Variants in SGK3 observed in about 807,000 individuals in gnomAD.
SGK3 encodes serine/threonine-protein kinase Sgk3.
SGK3 carries 47 observed loss-of-function variants against 68.5 expected under a neutral mutation model. The ratio of observed to expected loss-of-function variants is 0.69; its 90% CI spans 0.54 to 0.87. The LOEUF is 0.87. SGK3 is among the 40% of genes least tolerant of loss of function. The pLI, the probability that SGK3 is intolerant of heterozygous loss-of-function variation, is 0.00. For missense variants in SGK3, 479 were observed against 575.5 expected (o/e 0.83, Z 1.72); for synonymous variants, 181 against 189.1 (o/e 0.96, Z 0.35).
At chr8:66,823,467 G>C (rs1037464667) in intron 6 of SGK3, among the ~76,000 whole-genome samples, 2 of 146,384 alleles carry the variant, frequency 1.4e-5, no homozygotes, top group Non-Finnish European at 3.0e-5. Flanking sequence ...GCGTGATCTT[G>C]GCTCACTGCA....
At chr8:66,722,740 G>T (rs1804830945) in intron 1 of SGK3, among the ~76,000 whole-genome samples, 2 of 152,140 alleles carry the variant, frequency 1.3e-5, no homozygotes, top group African/African-American at 2.4e-5. Context: ...AAGAAAAGAG[G>T]TTTAATTGGC....
chr8:66,810,008 G>A (rs2130630516), intron 4 of SGK3, among the ~76,000 whole-genome samples: 1 of 152,262 alleles, frequency 6.6e-6, no homozygotes, highest in African/African-American at 2.4e-5. Flanking sequence ...ACTTAGTCTT[G>A]GAAGCCACAT....
chr8:66,829,543 G>A (rs963223354), intron 7 of SGK3, among the ~76,000 whole-genome samples: 1 of 152,104 alleles, frequency 6.6e-6, no homozygotes, highest in African/African-American at 2.4e-5. Flanking sequence ...TAAAAGAGGA[G>A]GGAGTAATTA....
chr8:66,805,637 T>C (rs940023411), intron 4 of SGK3, among the ~76,000 whole-genome samples: 1 of 152,120 alleles, frequency 6.6e-6, no homozygotes, highest in African/African-American at 2.4e-5. Context: ...CATGGAATTT[T>C]CCCCTAGAAC....
chr8:66,739,065 C>T (rs923073483), intron 1 of SGK3, among the ~76,000 whole-genome samples: 9 of 152,162 alleles, frequency 5.9e-5, no homozygotes, highest in Non-Finnish European at 1.3e-4. Flanking sequence ...TAACAGATTA[C>T]TGTAGTTCAT....
chr8:66,802,233 A>G (rs899359771), intron 3 of SGK3, among the ~76,000 whole-genome samples: 1 of 152,220 alleles, frequency 6.6e-6, no homozygotes, highest in East Asian at 1.9e-4. Context: ...AACTACAGAA[A>G]TCAGGTTGAA....
At chr8:66,811,104 C>T (rs1315412156) in intron 4 of SGK3, among the ~76,000 whole-genome samples, 2 of 152,164 alleles carry the variant, frequency 1.3e-5, no homozygotes, top group Non-Finnish European at 2.9e-5. Flanking sequence ...GCAACCTCTG[C>T]CTCCCAACTC....
chr8:66,846,876 G>A (rs184766409), intron 14 of SGK3, among the ~76,000 whole-genome samples: 2 of 152,264 alleles, frequency 1.3e-5, no homozygotes, highest in African/African-American at 4.8e-5. Flanking sequence ...CAATGATTCT[G>A]TCATTATGCC....
chr8:66,792,607 G>A (rs963021002), intron 1 of SGK3, among the ~76,000 whole-genome samples: 6 of 152,062 alleles, frequency 3.9e-5, no homozygotes, highest in Admixed American at 3.3e-4. Context: ...GTCTGGGTGC[G>A]GTGGCTCATG....
Position 66,837,750 on chromosome 8 carries a change from C to T in SGK3, c.741+1676C>T, listed in dbSNP as rs551929691. ...AATGAGCCATGATCACACAACTGTA[C>T]TCCAGCCTGGGTGACAGAACAAGAC... On this transcript the variant is annotated intron_variant, in intron 10 of 16. Transcript: ENST00000521198. 8.3e-4 allele frequency among the ~76,000 whole-genome samples: 126 copies of T among 152,258 alleles called. 2 individuals carry two copies. The South Asian group carries it at 0.026, about 31-fold the overall frequency.
At position 66,804,448 on chromosome 8, in the gene SGK3, G is replaced by T. The variant is rs761047258; in HGVS notation, c.253+1G>T. ...ATATTTGGTGATAATTTTGATCCAG[G>T]TAAGAAACAACTTCATAGGCCAGCT... On this transcript the variant is annotated splice_donor_variant, in intron 4 of 16. Transcript: ENST00000521198. LOFTEE classifies it high-confidence loss of function. 2 of 1,612,242 alleles carry T rather than the reference G, an allele frequency of 1.2e-6. No homozygotes were observed. Among genetic ancestry groups the T allele is most frequent in the Non-Finnish European group, 1.7e-6 (2 of 1,179,322 alleles).
chr8:66,739,932 T>C (rs1007119907), intron 1 of SGK3, among the ~76,000 whole-genome samples: 3 of 152,214 alleles, frequency 2.0e-5, no homozygotes, highest in Admixed American at 2.0e-4. Flanking sequence ...TGTGGGAAAC[T>C]GCCCCCATGA....
At chr8:66,779,561 AATATATAT>A (rs200618083) in intron 1 of SGK3, among the ~76,000 whole-genome samples, 2,329 of 89,366 alleles carry the variant, frequency 0.026, 40 homozygotes, top group Middle Eastern at 0.062. Flanking sequence ...TATGTGTGTG[AATATATAT>A]ATATATATAT....
In SGK3 at chr8:66,743,764, C is replaced by T. The variant is rs541452868; in HGVS notation, c.-122+30931C>T. Among the ~76,000 whole-genome samples the T allele has an allele frequency of 8.5e-5, 13 of 152,372 alleles. No individual in the cohort carries two copies. In the East Asian group the frequency reaches 1.9e-3, roughly 23 times the overall value. ...CTCGAACTCCGGATCTCACTCACCT[C>T]GGCCTCCCAAAGTGCTGAGATTACA... is the stretch of plus-strand genomic sequence containing the variant. On this transcript the variant is annotated intron_variant, in intron 1 of 16. Coordinates refer to ENST00000521198, the MANE Select transcript of SGK3 (RefSeq NM_001033578.3).
At chr8:66,791,980 TGAG>T (rs577166795) in intron 1 of SGK3, among the ~76,000 whole-genome samples, 124 of 152,314 alleles carry the variant, frequency 8.1e-4, no homozygotes, top group Middle Eastern at 6.8e-3. Context: ...TACTCTTTGT[TGAG>T]GAGAGACCAA....
At chr8:66,760,471 A>T (rs1343617375) in intron 1 of SGK3, among the ~76,000 whole-genome samples, 1 of 150,794 alleles carries the variant, frequency 6.6e-6, no homozygotes, top group Non-Finnish European at 1.5e-5. Context: ...AGTAGCTGGG[A>T]CTACAGGTGC....
intron 16 of SGK3, among the ~76,000 whole-genome samples, chr8:66,855,205 TATTG>T (rs1217049159): frequency 2.0e-5 from 3 of 152,302 alleles, no homozygotes; most frequent in South Asian, 2.1e-4. Context: ...TCATTTCATT[TATTG>T]ATTGATTGAT....
chr8:66,730,007 G>T (rs1805100923), intron 1 of SGK3, among the ~76,000 whole-genome samples: 1 of 152,060 alleles, frequency 6.6e-6, no homozygotes, highest in Admixed American at 6.6e-5. Flanking sequence ...CTCTCTAAGT[G>T]TTAGGATTAC....
intron 1 of SGK3, among the ~76,000 whole-genome samples, chr8:66,716,506 C>T (rs1195759236): frequency 7.5e-6 from 1 of 133,592 alleles, no homozygotes; most frequent in Non-Finnish European, 1.5e-5. Context: ...CTAAGTTCAC[C>T]TCCTGGTGGC....
Sources: allele counts gnomAD v4.1 joint callset (sites outside exome capture counted in the v4.1 genomes callset), GRCh38; gene constraint gnomAD v4.1.1; transcripts MANE v1.5; gene names NCBI Gene and HGNC (gene_info 2026-07-23, HGNC 2026-07-21).